Variants in PDE8B observed in about 807,000 individuals in gnomAD.
PDE8B encodes high affinity cAMP-specific and IBMX-insensitive 3',5'-cyclic phosphodiesterase 8B.
Under a neutral mutation model 101.3 loss-of-function variants are expected in PDE8B, and 26 were observed. That is an observed-to-expected ratio of 0.26 (90% CI 0.19 to 0.36). The LOEUF (loss-of-function observed/expected upper bound fraction) is 0.36. Among genes scored for constraint, PDE8B ranks in the 10% least tolerant of loss-of-function variants. The pLI, the probability that PDE8B is intolerant of heterozygous loss-of-function variation, is 1.00. For synonymous variants in PDE8B, 424 were observed against 429.3 expected (o/e 0.99, Z 0.15); for missense variants, 810 against 1,163.1 (o/e 0.70, Z 4.42).
At chr5:77,185,912 C>T in the PDE8B span, among the ~76,000 whole-genome samples, 1 of 152,222 alleles carries the variant, frequency 6.6e-6, no homozygotes, top group Non-Finnish European at 1.5e-5. Context: ...AACTCTGAAG[C>T]AGACTGCCTG....
At chr5:77,188,454 G>A in the PDE8B span, among the ~76,000 whole-genome samples, 8,679 of 152,182 alleles carry the variant, frequency 0.057, 871 homozygotes, top group African/African-American at 0.2. Flanking sequence ...TTCACAATCT[G>A]TCTTTTCTTG....
intron 1 of PDE8B, among the ~76,000 whole-genome samples, chr5:77,229,657 C>T (rs1242796168): frequency 6.6e-6 from 1 of 152,134 alleles, no homozygotes; most frequent in African/African-American, 2.4e-5. Context: ...ATAGATTTGC[C>T]TATTGTGGAC....
At chr5:77,113,801 T>G in the PDE8B span, 1 of 152,174 alleles carries the variant, frequency 6.6e-6, no homozygotes, top group East Asian at 1.9e-4. Context: ...TACAAAGAAC[T>G]TAAACAAATT....
At chr5:77,366,551 C>A (rs1270002479) in intron 10 of PDE8B, among the ~76,000 whole-genome samples, 1 of 152,172 alleles carries the variant, frequency 6.6e-6, no homozygotes, top group Non-Finnish European at 1.5e-5. Flanking sequence ...ACCACTGCTC[C>A]ACTGCTGTCA....
chr5:77,370,509 A>G (rs1288371125), intron 10 of PDE8B, among the ~76,000 whole-genome samples: 1 of 152,202 alleles, frequency 6.6e-6, no homozygotes, highest in African/African-American at 2.4e-5. Context: ...TTTACTGCTG[A>G]GCACTGTTCT....
At chr5:77,293,347 A>C (rs1767798800) in intron 1 of PDE8B, among the ~76,000 whole-genome samples, 1 of 152,054 alleles carries the variant, frequency 6.6e-6, no homozygotes. Flanking sequence ...TTATTCCTCT[A>C]TATGGATTTG....
At position 77,411,678 on chromosome 5, in the gene PDE8B, C is replaced by T. The variant is rs148282450; in HGVS notation, c.1533C>T (p.Asp511=). The T allele has an allele frequency of 3.4e-4, 553 of 1,609,446 alleles. No individual in the cohort carries two copies. Among genetic ancestry groups the T allele is most frequent in the Admixed American group, 6.8e-4 (41 of 59,996 alleles). The stretch of plus-strand genomic sequence containing the variant: ...AACAGGCTCTTCCTTTATTCCAGGA[C>T]GGCTTGAGAAGACTGTCAGGAAACG... ...TSDLVGGLMT[D]GLRRLSGNEY... The change falls in exon 15 of 22, where the codon GAC becomes GAT. Residue 511 remains aspartate, a splice_region_variant and synonymous_variant. Coordinates refer to ENST00000264917, the MANE Select transcript of PDE8B (RefSeq NM_003719.5).
chr5:77,278,692 A>T (rs1262661267), intron 1 of PDE8B, among the ~76,000 whole-genome samples: 1 of 152,034 alleles, frequency 6.6e-6, no homozygotes, highest in Non-Finnish European at 1.5e-5. Flanking sequence ...GATGGTCTCG[A>T]TCTCCTGACC....
the PDE8B span, among the ~76,000 whole-genome samples, chr5:77,135,473 ATTTTTTTT>A: frequency 2.5e-5 from 3 of 121,522 alleles, no homozygotes; most frequent in South Asian, 8.2e-4. Context: ...AGCCAGAGGA[ATTTTTTTT>A]TTTTTTTTTT....
intron 1 of PDE8B, among the ~76,000 whole-genome samples, chr5:77,255,826 A>G (rs1340027154): frequency 6.6e-6 from 1 of 152,218 alleles, no homozygotes; most frequent in Non-Finnish European, 1.5e-5. Flanking sequence ...AGATCCGGGT[A>G]CGGGGTGTGT....
intron 1 of PDE8B, among the ~76,000 whole-genome samples, chr5:77,214,996 C>T (rs1159450046): frequency 6.6e-6 from 1 of 152,176 alleles, no homozygotes; most frequent in East Asian, 1.9e-4. Context: ...CATAGTACCA[C>T]ACTGTCTTTA....
chr5:77,365,478 A>G (rs985791010), intron 10 of PDE8B, among the ~76,000 whole-genome samples: 1 of 152,214 alleles, frequency 6.6e-6, no homozygotes, highest in Admixed American at 6.5e-5. Flanking sequence ...CACAAGGAAG[A>G]CCAGGCCACT....
chr5:77,376,226 G>A lies in PDE8B; in HGVS notation c.1167+22820G>A, dbSNP rs142796449. 3.5e-3 allele frequency among the ~76,000 whole-genome samples: 527 copies of A among 152,318 alleles called. 2 individuals carry two copies. Among genetic ancestry groups the A allele is most frequent in the Admixed American group, 6.4e-3 (98 of 15,302 alleles). ...TAGGGATGGCTGCAGGTTTCAAGGA[G>A]CGAGTAGCTTGAATGTGTGATTCAA... On this transcript the variant is annotated intron_variant, in intron 10 of 21. Transcript: ENST00000264917.
At chr5:77,261,768 C>G (rs1250633710) in intron 1 of PDE8B, among the ~76,000 whole-genome samples, 1 of 152,234 alleles carries the variant, frequency 6.6e-6, no homozygotes, top group Non-Finnish European at 1.5e-5. Flanking sequence ...TCCTGATGTG[C>G]TTCTAAATCC....
chr5:77,214,312 G>A (rs1749167923), intron 1 of PDE8B, among the ~76,000 whole-genome samples: 1 of 152,188 alleles, frequency 6.6e-6, no homozygotes, highest in African/African-American at 2.4e-5. Flanking sequence ...CCTCTGTGTA[G>A]GTTCACTCTT....
intron 17 of PDE8B, 144 bp from the exon 18 acceptor site, chr5:77,418,085 C>T: frequency 1.4e-6 from 1 of 701,700 alleles, no homozygotes; most frequent in South Asian, 1.5e-5. Context: ...GGCCGCCTCT[C>T]CACATCTAGG....
At chr5:77,214,709 T>C (rs1478201667) in intron 1 of PDE8B, among the ~76,000 whole-genome samples, 1 of 152,156 alleles carries the variant, frequency 6.6e-6, no homozygotes, top group Non-Finnish European at 1.5e-5. Flanking sequence ...AAAAAAGTCA[T>C]TTTTGTTTTC....
At chr5:77,271,832 G>A (rs775634831) in intron 1 of PDE8B, among the ~76,000 whole-genome samples, 26 of 152,036 alleles carry the variant, frequency 1.7e-4, no homozygotes, top group Non-Finnish European at 3.4e-4. Flanking sequence ...CACATTCTAC[G>A]GATGAGAAAA....
intron 1 of PDE8B, among the ~76,000 whole-genome samples, chr5:77,302,127 G>A (rs907998066): frequency 6.6e-6 from 1 of 152,260 alleles, no homozygotes; most frequent in Admixed American, 6.5e-5. Flanking sequence ...GGGGGAAATG[G>A]CTTCTCCATT....
Sources: gnomAD v4.1 joint callset for allele counts (sites outside exome capture counted in the v4.1 genomes callset) on GRCh38, gnomAD v4.1.1 for gene constraint, MANE v1.5 for transcripts, NCBI Gene and HGNC (gene_info 2026-07-23, HGNC 2026-07-21) for gene names.